The following NLRC5 variants were observed in gnomAD, a reference collection of about 807,000 sequenced individuals.
NLRC5 encodes NLR family CARD domain containing 5, also known as protein NLRC5.
A neutral mutation model predicts 206.9 loss-of-function variants in NLRC5; 114 were observed. That is an observed-to-expected ratio of 0.55 (90% CI 0.47 to 0.64). The LOEUF (loss-of-function observed/expected upper bound fraction) is 0.64, where lower values mean the gene tolerates loss of function less well. Ranked by LOEUF, NLRC5 falls within the 30% of genes least tolerant of loss-of-function variation. NLRC5 has a pLI of 0.00. For missense variants in NLRC5, 2,008 were observed against 2,305.5 expected (o/e 0.87, Z 2.64); for synonymous variants, 952 against 962.8 (o/e 0.99, Z 0.21).
intron 39 of NLRC5, 50 bp downstream of exon 39, chr16:57,074,733 A>G (rs1319213515): frequency 7.1e-6 from 11 of 1,558,094 alleles, no homozygotes; most frequent in Non-Finnish European, 9.7e-6. Context: ...AACACTTCCC[A>G]CTCAGTTGGG....
intron 38 of NLRC5, among the ~76,000 whole-genome samples, chr16:57,073,320 C>A (rs1402678966): frequency 1.3e-5 from 2 of 152,178 alleles, no homozygotes; most frequent in Non-Finnish European, 1.5e-5. Flanking sequence ...CTCTTCCCAT[C>A]TCAGATCTGT....
chr16:57,014,892 G>C (rs1273053226), intron 1 of NLRC5, among the ~76,000 whole-genome samples: 1 of 151,278 alleles, frequency 6.6e-6, no homozygotes, highest in Non-Finnish European at 1.5e-5. Context: ...AGAGCAAAAA[G>C]AAAGGGCAAG....
chr16:57,048,491 C>G (rs1397376250), intron 23 of NLRC5: 1 of 152,206 alleles, frequency 6.6e-6, no homozygotes. Flanking sequence ...CCATGTCCTT[C>G]TCCAGGTTCA....
At chr16:57,052,963 G>A (rs2065131206) in intron 24 of NLRC5, 1 of 152,260 alleles carries the variant, frequency 6.6e-6, no homozygotes, top group Non-Finnish European at 1.5e-5. Context: ...CTGACCCCTT[G>A]CCAGGGTTTA....
chr16:57,054,320 G>T (rs1023624448), intron 24 of NLRC5, among the ~76,000 whole-genome samples: 1 of 152,142 alleles, frequency 6.6e-6, no homozygotes, highest in African/African-American at 2.4e-5. Flanking sequence ...TAAAAACTGT[G>T]TCTGAAGGGC....
intron 23 of NLRC5, among the ~76,000 whole-genome samples, chr16:57,050,905 T>G (rs1018859809): frequency 4.6e-5 from 7 of 152,136 alleles, no homozygotes; most frequent in Non-Finnish European, 1.0e-4. Flanking sequence ...CAGGCTGGAG[T>G]GCAGTGGTAC....
intron 38 of NLRC5, chr16:57,074,036 C>T (rs2068075210): frequency 6.5e-6 from 1 of 153,968 alleles, no homozygotes; most frequent in Non-Finnish European, 1.4e-5. Context: ...GTGTTACAGT[C>T]TTAGAGTCTG....
intron 24 of NLRC5, among the ~76,000 whole-genome samples, 180 bp from the exon 25 acceptor site, chr16:57,054,571 C>T (rs2065348937): frequency 6.6e-6 from 1 of 152,242 alleles, no homozygotes; most frequent in Middle Eastern, 3.4e-3. Flanking sequence ...ATAAGCAGAA[C>T]TGGGACTCAA....
At chr16:57,024,972 T>A (rs1401166161) in intron 5 of NLRC5, among the ~76,000 whole-genome samples, 2 of 152,078 alleles carry the variant, frequency 1.3e-5, no homozygotes, top group Non-Finnish European at 2.9e-5. Flanking sequence ...ATCGTGCCAC[T>A]GCACTGGAGC....
At chr16:57,035,210 C>T (rs1463454808) in intron 13 of NLRC5, among the ~76,000 whole-genome samples, 1 of 152,126 alleles carries the variant, frequency 6.6e-6, no homozygotes, top group South Asian at 2.1e-4. Context: ...CTACTGGTAG[C>T]GCTCAAAACT....
At chr16:57,043,436 C>T (rs1398189311) in intron 19 of NLRC5, 79 bp from the exon 20 acceptor site, 1 of 1,101,222 alleles carries the variant, frequency 9.1e-7, no homozygotes, top group Non-Finnish European at 1.4e-6. Flanking sequence ...GGATCCCTCC[C>T]CCGCCCTGTG....
chr16:57,065,687 A>T (rs1339144557), intron 33 of NLRC5, among the ~76,000 whole-genome samples: 1 of 152,332 alleles, frequency 6.6e-6, no homozygotes, highest in Non-Finnish European at 1.5e-5. Flanking sequence ...CCACTCAGCT[A>T]TGTTCAGATC....
intron 8 of NLRC5, 125 bp from the exon 9 acceptor site, chr16:57,029,648 T>A (rs2061589961): frequency 2.7e-6 from 2 of 743,510 alleles, no homozygotes; most frequent in Non-Finnish European, 4.6e-6. Context: ...GAGCAGGCCA[T>A]CAGCTCTTTC....
chr16:57,025,927 C>T lies in NLRC5; in HGVS notation c.984C>T (p.Phe328=). The change falls in exon 6 of 49, where the codon TTC becomes TTT. Residue 328 remains phenylalanine (F), a synonymous_variant. Transcript: ENST00000688547. ...PDGPGPVLTL[F]SHLCNGTLLP... ...GCCCAGGCCCAGTCCTCACCCTTTT[C>T]TCCCATCTCTGCAATGGGACCCTCC... 1 of 1,614,186 alleles carries T rather than the reference C, an allele frequency of 6.2e-7. No homozygotes were observed. The highest frequency in any genetic ancestry group is 8.5e-7 in the Non-Finnish European group (1 of 1,180,036).
intron 27 of NLRC5, among the ~76,000 whole-genome samples, chr16:57,057,703 G>A (rs2065867323): frequency 6.6e-6 from 1 of 152,202 alleles, no homozygotes; most frequent in Non-Finnish European, 1.5e-5. Flanking sequence ...ACCCGATATG[G>A]AAGAGGACCA....
chr16:57,019,579 C>A (rs1174935038), intron 2 of NLRC5, among the ~76,000 whole-genome samples: 3 of 152,186 alleles, frequency 2.0e-5, no homozygotes, highest in Non-Finnish European at 4.4e-5. Context: ...GAGCACAGGG[C>A]AGATGGGCAG....
chr16:57,014,079 T>C (rs1343022234), intron 1 of NLRC5: 2 of 255,496 alleles, frequency 7.8e-6, no homozygotes, highest in Non-Finnish European at 1.5e-5. Flanking sequence ...ATGACACCAT[T>C]AAGGTCCACA....
intron 40 of NLRC5, 56 bp downstream of exon 40, chr16:57,076,958 A>G (rs1288530784): frequency 2.7e-6 from 4 of 1,466,114 alleles, no homozygotes; most frequent in Non-Finnish European, 3.8e-6. Context: ...GAAAGATGAC[A>G]AGGGCAAGGG....
chr16:57,070,749 G>A (rs1727308690), intron 38 of NLRC5, 131 bp downstream of exon 38: 1 of 742,262 alleles, frequency 1.3e-6, no homozygotes, highest in Admixed American at 2.1e-5. Context: ...AATGGGGAAT[G>A]GGGTGAGTGA....
Sources: allele counts gnomAD v4.1 joint callset (sites outside exome capture counted in the v4.1 genomes callset), GRCh38; gene constraint gnomAD v4.1.1; transcripts MANE v1.5; gene names NCBI Gene and HGNC (gene_info 2026-07-23, HGNC 2026-07-21).